The following FGF14 variants were observed in gnomAD, a reference collection of about 807,000 sequenced individuals.
FGF14 encodes the protein fibroblast growth factor 14.
Under a neutral mutation model 25.5 loss-of-function variants are expected in FGF14, and 5 were observed. The observed-to-expected ratio is 0.20, with a 90% CI of 0.10 to 0.41. The LOEUF (loss-of-function observed/expected upper bound fraction) is 0.41, where lower values mean the gene tolerates loss of function less well. Among genes scored for constraint, FGF14 ranks in the 10% least tolerant of loss-of-function variants. The probability of loss-of-function intolerance (pLI) is 1.00; values close to 1 mark genes in which losing one functional copy is unlikely to be tolerated. For missense variants in FGF14, 222 were observed against 320.1 expected, an observed-to-expected ratio of 0.69 and a Z score of 2.34; for synonymous variants, 138 against 118.3, an observed-to-expected ratio of 1.17 and a Z score of -1.08.
Position 102,149,656 on chromosome 13 carries a change from T to C in FGF14, c.208+251815A>G, listed in dbSNP as rs368279980. ...GAAAGGAGACTTTCCACTTGACTGA[T>C]TGGTGGGGAGGGGAAGCTGAAGTTG... is the stretch of plus-strand genomic sequence containing the variant. On this transcript the variant is annotated intron_variant, in intron 1 of 4. Transcript: ENST00000376131. 2.2e-4 allele frequency among the ~76,000 whole-genome samples: 34 copies of C among 152,208 alleles called. No homozygotes were observed. In the East Asian group the frequency reaches 4.4e-3, roughly 20 times the overall value.
At chr13:102,174,778 G>A (rs1039660022) in intron 1 of FGF14, among the ~76,000 whole-genome samples, 4 of 152,072 alleles carry the variant, frequency 2.6e-5, no homozygotes, top group South Asian at 2.1e-4. Context: ...ACTAGAGGGT[G>A]AGGGGAGGGG....
chr13:102,075,495 G>A (rs1459229890), intron 1 of FGF14, among the ~76,000 whole-genome samples: 2 of 152,120 alleles, frequency 1.3e-5, no homozygotes, highest in African/African-American at 4.8e-5. Context: ...AAAACCTACT[G>A]TGCTGCCAGT....
At position 102,214,891 on chromosome 13, in the gene FGF14, C is replaced by T. The variant is rs760422322; in HGVS notation, c.208+186580G>A. Among the ~76,000 whole-genome samples the T allele has an allele frequency of 6.6e-5, 10 of 152,232 alleles. No individual in the cohort carries two copies. The South Asian group carries it at 8.3e-4, about 13-fold the overall frequency. On this transcript the variant is annotated intron_variant, in intron 1 of 4. Transcript: ENST00000376131. Reference sequence around the variant, plus strand: ...CAAGGTTGAGAAATCTTGTTCTAGACGTTCTATCTTGCCTAAGTTGCTCAT... The same window carrying T: ...CAAGGTTGAGAAATCTTGTTCTAGATGTTCTATCTTGCCTAAGTTGCTCAT...
chr13:101,801,021 C>T (rs968890472), intron 3 of FGF14, among the ~76,000 whole-genome samples: 1 of 152,150 alleles, frequency 6.6e-6, no homozygotes. Flanking sequence ...AATATCAAAA[C>T]TGGGTGCCCG....
intron 1 of FGF14, chr13:102,394,478 T>G (rs1043544721): frequency 6.6e-6 from 1 of 152,502 alleles, no homozygotes; most frequent in Non-Finnish European, 1.5e-5. Flanking sequence ...CCCAAGTCTC[T>G]CCCGCGCGGC....
intron 1 of FGF14, among the ~76,000 whole-genome samples, chr13:102,205,984 T>TA (rs36108366): frequency 4.2e-5 from 2 of 47,442 alleles, no homozygotes; most frequent in Non-Finnish European, 4.0e-5. Context: ...CTCCCTGTGG[T>TA]AAAAAAAAAA....
intron 1 of FGF14, among the ~76,000 whole-genome samples, chr13:102,326,185 A>G (rs1431116657): frequency 7.1e-6 from 1 of 140,720 alleles, no homozygotes; most frequent in African/African-American, 2.5e-5. Context: ...AATAACAATC[A>G]AAGCATCAAA....
chr13:102,014,390 C>T (rs980494375), intron 1 of FGF14, among the ~76,000 whole-genome samples: 3 of 152,044 alleles, frequency 2.0e-5, no homozygotes, highest in Admixed American at 6.5e-5. Context: ...TTGACCAGAA[C>T]CAGGCATATT....
chr13:102,335,637 A>G (rs888085128), intron 1 of FGF14, among the ~76,000 whole-genome samples: 1 of 152,198 alleles, frequency 6.6e-6, no homozygotes, highest in East Asian at 1.9e-4. Context: ...AGTACCAGAT[A>G]CAATGCAAGG....
intron 1 of FGF14, among the ~76,000 whole-genome samples, chr13:101,908,573 G>A (rs2032529062): frequency 6.6e-6 from 1 of 152,070 alleles, no homozygotes; most frequent in Non-Finnish European, 1.5e-5. Context: ...ACAAACCACT[G>A]CTCAATGAAA....
chr13:102,032,427 A>G (rs1446095674), intron 1 of FGF14, among the ~76,000 whole-genome samples: 1 of 152,198 alleles, frequency 6.6e-6, no homozygotes, highest in Non-Finnish European at 1.5e-5. Context: ...CTTGAAAAAA[A>G]GGTGCGAGAA....
At chr13:102,002,128 C>A (rs2039531224) in intron 1 of FGF14, 1 of 152,186 alleles carries the variant, frequency 6.6e-6, no homozygotes, top group Admixed American at 6.5e-5. Context: ...TGCCTGGGAC[C>A]CTTGATCCCA....
At chr13:101,812,367 ATGTTCTC>A (rs1328689317) in intron 3 of FGF14, among the ~76,000 whole-genome samples, 139 of 152,028 alleles carry the variant, frequency 9.1e-4, no homozygotes, top group African/African-American at 2.8e-3. Flanking sequence ...ATACATCTTC[ATGTTCTC>A]TAATATCATA....
intron 3 of FGF14, among the ~76,000 whole-genome samples, chr13:101,814,156 C>T (rs1048869849): frequency 6.6e-6 from 1 of 152,176 alleles, no homozygotes; most frequent in East Asian, 1.9e-4. Context: ...GCATCTGCAT[C>T]ACCTGAGAGT....
chr13:101,921,267 ACTT>A (rs1312769875), upstream of FGF14, among the ~76,000 whole-genome samples: 1 of 152,124 alleles, frequency 6.6e-6, no homozygotes, highest in Admixed American at 6.5e-5. Context: ...CCTTCTAAAA[ACTT>A]CATCATTCCT....
At chr13:101,964,009 A>G (rs1228842563) in intron 1 of FGF14, among the ~76,000 whole-genome samples, 1 of 152,228 alleles carries the variant, frequency 6.6e-6, no homozygotes, top group East Asian at 1.9e-4. Context: ...TGGTTTTCAA[A>G]CATGATTTAT....
chr13:101,784,763 T>A (rs559500238), intron 3 of FGF14, among the ~76,000 whole-genome samples: 2 of 152,342 alleles, frequency 1.3e-5, no homozygotes, highest in South Asian at 4.1e-4. Context: ...AAACACCTGC[T>A]GTGTGTCTTG....
rs755292578 is a variant in FGF14 at position 102,112,567 on chromosome 13, TA to T, written c.209-237272del. 1.1e-3 allele frequency among the ~76,000 whole-genome samples: 168 copies of T among 152,356 alleles called. 1 individual carries two copies. The highest frequency in any genetic ancestry group is 4.3e-4 in the Non-Finnish European group (29 of 68,034). ...TTTATTCATTCATTGAATCAACATT[TA>T]CCGAAAGTCTTCTGTGCTCCAGGCA... On this transcript the variant is annotated intron_variant, in intron 1 of 4. Coordinates refer to the FGF14 transcript ENST00000376131.
chr13:102,247,793 T>G (rs928743410), intron 1 of FGF14, among the ~76,000 whole-genome samples: 2 of 152,150 alleles, frequency 1.3e-5, no homozygotes, highest in Admixed American at 1.3e-4. Flanking sequence ...TGCACACATA[T>G]GTTAATTGCG....
Sources: allele counts gnomAD v4.1 joint callset (sites outside exome capture counted in the v4.1 genomes callset), GRCh38; gene constraint gnomAD v4.1.1; transcripts MANE v1.5; gene names NCBI Gene and HGNC (gene_info 2026-07-23, HGNC 2026-07-21).